Variants in CDC14A observed in about 807,000 individuals in gnomAD.
CDC14A encodes the protein dual specificity protein phosphatase CDC14A.
Under a neutral mutation model 74.4 loss-of-function variants are expected in CDC14A, and 53 were observed. That is an observed-to-expected ratio of 0.71 (90% CI 0.57 to 0.89). CDC14A has a LOEUF of 0.89. CDC14A is among the 40% of genes least tolerant of loss of function. The pLI is 0.00. For synonymous variants in CDC14A, 247 were observed against 258.4 expected (o/e 0.96, Z 0.43); for missense variants, 646 against 713.7 (o/e 0.91, Z 1.08).
Position 100,444,284 on chromosome 1 carries a change from C to CT in CDC14A, c.519+1292dup, listed in dbSNP as rs1280094472. ...CTTCCCTCTGACTCAGGTCTCACGT[C>CT]TTTTCCTGTGGACCTTTCATTTTAA... is the stretch of plus-strand genomic sequence containing the variant. On this transcript the variant is annotated intron_variant, in intron 7 of 15. Transcript: ENST00000336454. Among the ~76,000 whole-genome samples the CT allele has an allele frequency of 3.9e-5, 6 of 152,308 alleles. 1 individual carries two copies. In the South Asian group the frequency reaches 8.3e-4, roughly 21 times the overall value.
intron 11 of CDC14A, chr1:100,484,795 C>T: frequency 2.0e-6 from 2 of 988,980 alleles, no homozygotes; most frequent in Non-Finnish European, 2.4e-6. Context: ...ATACATACCA[C>T]AAGTGGTGCT....
At chr1:100,512,952 A>C (rs1317743061) in intron 15 of CDC14A, among the ~76,000 whole-genome samples, 1 of 152,216 alleles carries the variant, frequency 6.6e-6, no homozygotes, top group Non-Finnish European at 1.5e-5. Context: ...TGTTGGGTAC[A>C]ATATACACTA....
intron 2 of CDC14A, among the ~76,000 whole-genome samples, chr1:100,355,086 A>G (rs1212854859): frequency 6.6e-6 from 1 of 152,224 alleles, no homozygotes; most frequent in East Asian, 1.9e-4. Flanking sequence ...GCTGAGGCAA[A>G]GAGGTCTGAG....
intron 4 of CDC14A, among the ~76,000 whole-genome samples, chr1:100,408,320 A>G (rs188897761): frequency 9.9e-5 from 15 of 152,268 alleles, no homozygotes. Context: ...TCTACCATTG[A>G]TGGGTATTTA....
At chr1:100,491,897 C>A (rs1331093925) in intron 11 of CDC14A, among the ~76,000 whole-genome samples, 1 of 66,794 alleles carries the variant, frequency 1.5e-5, no homozygotes, top group African/African-American at 4.7e-5. Flanking sequence ...AGAAAAAACA[C>A]CTCTGCCCTC....
chr1:100,402,220 C>T (rs1322330046), intron 4 of CDC14A, among the ~76,000 whole-genome samples: 3 of 151,846 alleles, frequency 2.0e-5, no homozygotes, highest in African/African-American at 4.8e-5. Context: ...AATTGTTTGC[C>T]GTGCCTGATA....
chr1:100,367,029 C>A (rs181635223), intron 2 of CDC14A, among the ~76,000 whole-genome samples: 3 of 152,250 alleles, frequency 2.0e-5, no homozygotes, highest in Admixed American at 1.3e-4. Context: ...AAGTGGGGAC[C>A]CGTGCTTGGC....
intron 2 of CDC14A, among the ~76,000 whole-genome samples, chr1:100,357,687 G>A (rs913383195): frequency 1.1e-4 from 16 of 149,912 alleles, no homozygotes; most frequent in Admixed American, 1.3e-4. Context: ...CTTGAGGCCT[G>A]CAGTTGAACT....
chr1:100,497,977 C>T, intron 13 of CDC14A, 108 bp from the exon 14 acceptor site: 1 of 1,184,966 alleles, frequency 8.4e-7, no homozygotes, highest in East Asian at 2.4e-5. Context: ...CTATTAGGAC[C>T]TGTCATGATA....
intron 4 of CDC14A, among the ~76,000 whole-genome samples, chr1:100,404,056 A>G (rs1039631624): frequency 6.7e-5 from 10 of 149,940 alleles, no homozygotes; most frequent in Admixed American, 1.4e-4. Context: ...CTATTTTGGA[A>G]AGTGAATAAA....
intron 4 of CDC14A, among the ~76,000 whole-genome samples, chr1:100,418,278 A>G (rs1362920343): frequency 6.6e-6 from 1 of 152,148 alleles, no homozygotes; most frequent in Non-Finnish European, 1.5e-5. Flanking sequence ...GGGTAAGGGA[A>G]AAGGTTCTGA....
intron 2 of CDC14A, among the ~76,000 whole-genome samples, chr1:100,354,629 A>G (rs1317160460): frequency 6.6e-6 from 1 of 152,256 alleles, no homozygotes. Context: ...TTATTCAGTA[A>G]AAGTATCAGA....
At chr1:100,454,123 A>T (rs1181648815) in intron 7 of CDC14A, among the ~76,000 whole-genome samples, 1 of 152,234 alleles carries the variant, frequency 6.6e-6, no homozygotes, top group Non-Finnish European at 1.5e-5. Flanking sequence ...TAAGTAATTA[A>T]AGTAATGGCT....
At chr1:100,383,968 T>C (rs1331462889) in intron 3 of CDC14A, among the ~76,000 whole-genome samples, 1 of 152,170 alleles carries the variant, frequency 6.6e-6, no homozygotes, top group Non-Finnish European at 1.5e-5. Flanking sequence ...TAGTTTGTGC[T>C]CTCCTGACTG....
At chr1:100,435,839 A>T (rs895197524) in intron 5 of CDC14A, among the ~76,000 whole-genome samples, 18 of 146,242 alleles carry the variant, frequency 1.2e-4, no homozygotes, top group Non-Finnish European at 2.1e-4. Context: ...AAAAAAAAAA[A>T]AAAAAAAAGG....
intron 3 of CDC14A, among the ~76,000 whole-genome samples, chr1:100,381,899 A>G (rs1337926158): frequency 6.6e-6 from 1 of 152,214 alleles, no homozygotes; most frequent in Non-Finnish European, 1.5e-5. Flanking sequence ...AAGAGGGAAG[A>G]TGCATTGAAG....
upstream of CDC14A, among the ~76,000 whole-genome samples, chr1:100,351,457 G>A (rs369345530): frequency 6.6e-6 from 1 of 152,212 alleles, no homozygotes; most frequent in African/African-American, 2.4e-5. Context: ...GCCTTAGGAC[G>A]CCCAGCGTTC....
At chr1:100,359,392 T>TC (rs1160062591) in intron 2 of CDC14A, among the ~76,000 whole-genome samples, 1 of 152,026 alleles carries the variant, frequency 6.6e-6, no homozygotes, top group Non-Finnish European at 1.5e-5. Context: ...CACCCTGGAG[T>TC]CCAGGCATTT....
chr1:100,421,196 T>C (rs1051958204), intron 4 of CDC14A, among the ~76,000 whole-genome samples: 1 of 152,182 alleles, frequency 6.6e-6, no homozygotes, highest in African/African-American at 2.4e-5. Context: ...TGTTAATACC[T>C]AGCGAGAAAA....
Sources: allele counts gnomAD v4.1 joint callset (sites outside exome capture counted in the v4.1 genomes callset), GRCh38; gene constraint gnomAD v4.1.1; transcripts MANE v1.5; gene names NCBI Gene and HGNC (gene_info 2026-07-23, HGNC 2026-07-21).